Variants in DYNC1I1 observed in about 807,000 individuals in gnomAD.
DYNC1I1 encodes cytoplasmic dynein 1 intermediate chain 1.
Under a neutral mutation model 86.6 loss-of-function variants are expected in DYNC1I1, and 43 were observed. The ratio of observed to expected loss-of-function variants is 0.50; its 90% CI spans 0.39 to 0.64. DYNC1I1 has a LOEUF of 0.64. DYNC1I1 is among the 30% of genes least tolerant of loss of function. DYNC1I1 has a pLI of 0.00. For synonymous variants in DYNC1I1, 262 were observed against 283.7 expected (o/e 0.92, Z 0.77); for missense variants, 604 against 788.8 (o/e 0.77, Z 2.81).
At chr7:95,822,799 C>T (rs184686536) in intron 4 of DYNC1I1, among the ~76,000 whole-genome samples, 11 of 152,242 alleles carry the variant, frequency 7.2e-5, no homozygotes, top group African/African-American at 1.9e-4. Context: ...GGTTCCCCAG[C>T]GGGGAATACT....
chr7:95,974,432 G>C (rs1207279447), intron 6 of DYNC1I1, among the ~76,000 whole-genome samples: 3 of 152,070 alleles, frequency 2.0e-5, no homozygotes. Flanking sequence ...TTTTGTATTG[G>C]TTATTTTACT....
At chr7:95,875,017 A>G (rs974012611) in intron 6 of DYNC1I1, among the ~76,000 whole-genome samples, 6 of 152,168 alleles carry the variant, frequency 3.9e-5, no homozygotes, top group African/African-American at 1.4e-4. Context: ...TGGCTTGGAA[A>G]CCTCTAACTC....
At position 95,977,454 on chromosome 7, in the gene DYNC1I1, C is replaced by G. The variant is rs550248010; in HGVS notation, c.491-58C>G. The stretch of plus-strand genomic sequence containing the variant: ...CTTTACCCCTACCTCCCACTATCAA[C>G]CAAAGACTTTGATTTGGAGGAAAGA... On this transcript the variant is annotated intron_variant, in intron 6 of 16. Transcript: ENST00000447467. 2.6e-6 allele frequency: 4 copies of G among 1,555,694 alleles called. No individual in the cohort carries two copies. In the Admixed American group the frequency reaches 7.4e-5, roughly 29 times the overall value.
chr7:95,790,945 A>G (rs927027404), intron 1 of DYNC1I1, among the ~76,000 whole-genome samples: 2 of 152,198 alleles, frequency 1.3e-5, no homozygotes, highest in East Asian at 1.9e-4. Context: ...CCTTAAAATT[A>G]GGTAGGCTTA....
chr7:95,974,333 G>A (rs1305607040), intron 6 of DYNC1I1, among the ~76,000 whole-genome samples: 1 of 152,212 alleles, frequency 6.6e-6, no homozygotes, highest in African/African-American at 2.4e-5. Flanking sequence ...TAAGTGCTCA[G>A]TCAATATTTG....
At chr7:95,916,121 C>A (rs1176788873) in intron 6 of DYNC1I1, among the ~76,000 whole-genome samples, 3 of 152,178 alleles carry the variant, frequency 2.0e-5, no homozygotes, top group Non-Finnish European at 4.4e-5. Flanking sequence ...ATCTAGAAGT[C>A]ATACTGGTGC....
chr7:95,960,317 G>A (rs957732971), intron 6 of DYNC1I1, among the ~76,000 whole-genome samples: 3 of 151,904 alleles, frequency 2.0e-5, no homozygotes, highest in Non-Finnish European at 4.4e-5. Flanking sequence ...TTGTTGGATA[G>A]GCTGGTCTCA....
At chr7:95,986,384 T>C (rs1437626607) in intron 8 of DYNC1I1, among the ~76,000 whole-genome samples, 1 of 152,150 alleles carries the variant, frequency 6.6e-6, no homozygotes, top group Non-Finnish European at 1.5e-5. Context: ...TAACCAGCAC[T>C]GAGTTCCTTG....
chr7:96,083,291 ATTT>A (rs901153418), intron 16 of DYNC1I1, among the ~76,000 whole-genome samples: 10 of 152,108 alleles, frequency 6.6e-5, no homozygotes. Flanking sequence ...TTTTATAAGT[ATTT>A]TTATAAATTA....
chr7:95,919,235 T>TAA (rs1035144950), intron 6 of DYNC1I1, among the ~76,000 whole-genome samples: 1 of 151,414 alleles, frequency 6.6e-6, no homozygotes, highest in Admixed American at 6.6e-5. Context: ...CTCACAAAAA[T>TAA]AAAAAAAAAC....
chr7:95,977,156 T>C (rs945824165), intron 6 of DYNC1I1, among the ~76,000 whole-genome samples: 1 of 152,192 alleles, frequency 6.6e-6, no homozygotes, highest in African/African-American at 2.4e-5. Flanking sequence ...GTGGGAAATG[T>C]GCTCCAGGTG....
chr7:96,049,636 A>C (rs537587986), intron 14 of DYNC1I1, among the ~76,000 whole-genome samples: 5 of 152,166 alleles, frequency 3.3e-5, no homozygotes, highest in Non-Finnish European at 7.3e-5. Flanking sequence ...ATAAGGAAAA[A>C]TCCTCCAAAT....
chr7:95,886,305 A>T (rs1790590982), intron 6 of DYNC1I1, among the ~76,000 whole-genome samples: 1 of 152,112 alleles, frequency 6.6e-6, no homozygotes, highest in East Asian at 1.9e-4. Flanking sequence ...GCGTGGTGTC[A>T]TGTCTGTAGT....
At chr7:96,105,479 A>G (rs147368802) in intron 16 of DYNC1I1, among the ~76,000 whole-genome samples, 127 of 152,204 alleles carry the variant, frequency 8.3e-4, no homozygotes, top group African/African-American at 2.9e-3. Context: ...ACATTTTTTA[A>G]TGGTAATCCA....
intron 4 of DYNC1I1, among the ~76,000 whole-genome samples, chr7:95,819,425 C>T (rs1170370122): frequency 1.3e-5 from 2 of 151,990 alleles, no homozygotes; most frequent in East Asian, 1.9e-4. Context: ...CAAAGGAAAT[C>T]CTTAGGACCT....
At chr7:95,964,390 A>G (rs1792953148) in intron 6 of DYNC1I1, among the ~76,000 whole-genome samples, 3 of 152,188 alleles carry the variant, frequency 2.0e-5, no homozygotes, top group East Asian at 1.9e-4. Context: ...CCTGATTTCC[A>G]TCATAGAATC....
chr7:96,007,783 A>G (rs1309652068), intron 10 of DYNC1I1, among the ~76,000 whole-genome samples: 1 of 152,204 alleles, frequency 6.6e-6, no homozygotes, highest in Non-Finnish European at 1.5e-5. Context: ...AAGAAAGATG[A>G]CACCTTGGGA....
intron 6 of DYNC1I1, among the ~76,000 whole-genome samples, chr7:95,879,879 G>A (rs1234794476): frequency 6.6e-6 from 1 of 152,074 alleles, no homozygotes; most frequent in Non-Finnish European, 1.5e-5. Flanking sequence ...TTTTTTGATT[G>A]GATGTAACTA....
chr7:95,893,029 C>T (rs909067518), intron 6 of DYNC1I1, among the ~76,000 whole-genome samples: 1 of 152,076 alleles, frequency 6.6e-6, no homozygotes, highest in Admixed American at 6.6e-5. Flanking sequence ...AATTTGTTTT[C>T]TTTTTTCTTC....
Sources: allele counts gnomAD v4.1 joint callset (sites outside exome capture counted in the v4.1 genomes callset), GRCh38; gene constraint gnomAD v4.1.1; transcripts MANE v1.5; gene names NCBI Gene and HGNC (gene_info 2026-07-23, HGNC 2026-07-21).